The following PRMT8 variants were observed in gnomAD, a reference collection of about 807,000 sequenced individuals.
PRMT8 encodes the protein protein arginine N-methyltransferase 8.
A neutral mutation model predicts 47.1 loss-of-function variants in PRMT8; 7 were observed. The ratio of observed to expected loss-of-function variants is 0.15; its 90% CI spans 0.08 to 0.28. The LOEUF is 0.28. Among genes scored for constraint, PRMT8 ranks in the 10% least tolerant of loss-of-function variants. PRMT8 has a pLI of 1.00. For missense variants in PRMT8, 237 were observed against 505.4 expected, an observed-to-expected ratio of 0.47 and a Z score of 5.09; for synonymous variants, 188 against 186.5, an observed-to-expected ratio of 1.01 and a Z score of -0.07.
At chr12:3,381,456 T>C (rs1864090626) in intron 1 of PRMT8, 15 of 1,535,728 alleles carry the variant, frequency 9.8e-6, no homozygotes, top group Non-Finnish European at 1.3e-5. Context: ...AGTCAGCTTG[T>C]ATGGTAATTT....
chr12:3,435,510 T>C (rs1565407024), intron 1 of PRMT8, among the ~76,000 whole-genome samples: 2 of 151,896 alleles, frequency 1.3e-5, no homozygotes, highest in Admixed American at 6.6e-5. Context: ...TGTTTTTTTT[T>C]TTCTTCTTTT....
At chr12:3,568,302 G>A (rs1438974518) in intron 4 of PRMT8, among the ~76,000 whole-genome samples, 1 of 151,788 alleles carries the variant, frequency 6.6e-6, no homozygotes, top group African/African-American at 2.4e-5. Context: ...TGTCTCAGGG[G>A]TGGCTGGAAG....
chr12:3,537,284 T>G (rs77189367), intron 1 of PRMT8, among the ~76,000 whole-genome samples: 2,128 of 152,344 alleles, frequency 0.014, 58 homozygotes, highest in African/African-American at 0.048. Flanking sequence ...ACATTTTTGT[T>G]GCACATCAAC....
intron 1 of PRMT8, among the ~76,000 whole-genome samples, chr12:3,420,735 C>G (rs1864531986): frequency 6.6e-6 from 1 of 152,214 alleles, no homozygotes; most frequent in Non-Finnish European, 1.5e-5. Flanking sequence ...CTAGTCATGT[C>G]TAGAACAGCC....
At chr12:3,391,961 C>G (rs1237769683) in intron 1 of PRMT8, among the ~76,000 whole-genome samples, 1 of 152,094 alleles carries the variant, frequency 6.6e-6, no homozygotes, top group Non-Finnish European at 1.5e-5. Context: ...CAAGAGAAGC[C>G]TATCCACAAA....
At chr12:3,398,429 G>T (rs1420176263) in intron 1 of PRMT8, among the ~76,000 whole-genome samples, 2 of 152,204 alleles carry the variant, frequency 1.3e-5, no homozygotes, top group Non-Finnish European at 2.9e-5. Flanking sequence ...ACTGTTTATT[G>T]TGTCAATTTA....
At position 3,441,491 on chromosome 12, in the gene PRMT8, G is replaced by A. The variant is rs141055977; in HGVS notation, c.48+60049G>A. 4.1e-3 allele frequency among the ~76,000 whole-genome samples: 627 copies of A among 152,150 alleles called. 8 individuals are homozygous for A. Among genetic ancestry groups the A allele is most frequent in the African/African-American group, 0.014 (588 of 41,486 alleles). On this transcript the variant is annotated intron_variant, in intron 1 of 9. Transcript: ENST00000452611. The stretch of plus-strand genomic sequence containing the variant: ...TCCAAAATGCCTTTGCTTACTGCCC[G>A]CGTGGCCATCACAAGGCCACCTGTA...
In PRMT8 at chr12:3,491,706, G is replaced by T; in HGVS notation, c.75+6G>T. On this transcript the variant is annotated splice_donor_region_variant and intron_variant, in intron 1 of 9. Coordinates refer to ENST00000382622, the MANE Select transcript of PRMT8 (RefSeq NM_019854.5). The stretch of plus-strand genomic sequence containing the variant: ...ACGCGGCCGAGAGCACCGAGGTAAG[G>T]AGGCGAGCGAGCAGGGGCTCTCGGA... The T allele has an allele frequency of 6.2e-7, 1 of 1,606,428 alleles. No homozygotes were observed. The highest frequency in any genetic ancestry group is 8.5e-7 in the Non-Finnish European group (1 of 1,178,816).
At position 3,460,855 on chromosome 12, in the gene PRMT8, G is replaced by A. The variant is rs568331886; in HGVS notation, c.48+79413G>A. Reference sequence around the variant, plus strand: ...TGAATGGCCACAGTGAAGAATGACCGTCTTACATCCTGCTGATTAGATGAC... The same window carrying A: ...TGAATGGCCACAGTGAAGAATGACCATCTTACATCCTGCTGATTAGATGAC... On this transcript the variant is annotated intron_variant, in intron 1 of 9. Coordinates refer to the PRMT8 transcript ENST00000452611. 3.3e-3 allele frequency among the ~76,000 whole-genome samples: 500 copies of A among 152,284 alleles called. 2 individuals are homozygous for A. Among genetic ancestry groups the A allele is most frequent in the South Asian group, 0.024 (115 of 4,824 alleles).
At chr12:3,385,570 T>C (rs1052516863) in intron 1 of PRMT8, among the ~76,000 whole-genome samples, 3 of 46,188 alleles carry the variant, frequency 6.5e-5, no homozygotes, top group African/African-American at 9.7e-5. Flanking sequence ...AAACTCCTTA[T>C]TAGATCAACA....
chr12:3,541,179 C>T (rs939010952), intron 2 of PRMT8, among the ~76,000 whole-genome samples: 2 of 152,192 alleles, frequency 1.3e-5, no homozygotes, highest in Non-Finnish European at 1.5e-5. Context: ...GCAGCAAGGA[C>T]CTTTCAGAGG....
chr12:3,404,556 G>T (rs79829532), intron 1 of PRMT8, among the ~76,000 whole-genome samples: 3,215 of 152,066 alleles, frequency 0.021, 211 homozygotes, highest in East Asian at 0.15. Context: ...TCCTTTTCCC[G>T]TACAAAAGTA....
intron 1 of PRMT8, among the ~76,000 whole-genome samples, chr12:3,472,095 G>C (rs905009800): frequency 6.6e-6 from 1 of 152,148 alleles, no homozygotes; most frequent in Non-Finnish European, 1.5e-5. Context: ...CCATCGTACT[G>C]TTCCTTGAGT....
intron 1 of PRMT8, among the ~76,000 whole-genome samples, chr12:3,390,063 A>G (rs985452918): frequency 4.6e-5 from 7 of 152,246 alleles, no homozygotes; most frequent in Non-Finnish European, 8.8e-5. Context: ...GCTTCTGGGC[A>G]TGGGGAGAGA....
At chr12:3,440,124 A>C (rs1468557985) in intron 1 of PRMT8, among the ~76,000 whole-genome samples, 1 of 152,220 alleles carries the variant, frequency 6.6e-6, no homozygotes, top group Non-Finnish European at 1.5e-5. Flanking sequence ...GTGCAAAATG[A>C]AGATATTAGA....
At chr12:3,443,436 C>T (rs1864824169) in intron 1 of PRMT8, among the ~76,000 whole-genome samples, 1 of 152,162 alleles carries the variant, frequency 6.6e-6, no homozygotes, top group Admixed American at 6.5e-5. Context: ...GAGGTTCATC[C>T]TTGATTCCCT....
At chr12:3,536,242 A>C (rs1392853209) in intron 1 of PRMT8, among the ~76,000 whole-genome samples, 1 of 151,822 alleles carries the variant, frequency 6.6e-6, no homozygotes, top group Non-Finnish European at 1.5e-5. Context: ...CTTCCCACCC[A>C]CTCCCAGCCT....
chr12:3,583,263 C>A lies in PRMT8; in HGVS notation c.979+55C>A. ...CTCCCTCTCCCATGCTTCCTCAAGT[C>A]TTTGTGGGGTGACCAGAGCTGGCCT... is the stretch of plus-strand genomic sequence containing the variant. On this transcript the variant is annotated intron_variant, in intron 8 of 9. Coordinates refer to ENST00000382622, the MANE Select transcript of PRMT8 (RefSeq NM_019854.5). The surrounding 1 kb of genome is among the most constrained non-coding windows in gnomAD (Gnocchi z 4.7). 6.5e-7 allele frequency: 1 copy of A among 1,542,366 alleles called. No homozygotes were observed. The highest frequency in any genetic ancestry group is 2.3e-5 in the East Asian group (1 of 43,246).
At chr12:3,423,429 G>A (rs971280803) in intron 1 of PRMT8, among the ~76,000 whole-genome samples, 3 of 152,194 alleles carry the variant, frequency 2.0e-5, no homozygotes. Context: ...ATCCCCATGA[G>A]CCATCTTGTG....
Sources: allele counts gnomAD v4.1 joint callset (sites outside exome capture counted in the v4.1 genomes callset), GRCh38; gene constraint gnomAD v4.1.1; non-coding constraint Gnocchi (gnomAD v3.1); transcripts MANE v1.5; gene names NCBI Gene and HGNC (gene_info 2026-07-23, HGNC 2026-07-21).